Variants in KCNH5 observed in about 807,000 individuals in gnomAD.
KCNH5 encodes potassium voltage-gated channel subfamily H member 5, also known as voltage-gated delayed rectifier potassium channel KCNH5.
A neutral mutation model predicts 96.1 loss-of-function variants in KCNH5; 46 were observed. The observed-to-expected ratio is 0.48, with a 90% CI of 0.38 to 0.61. KCNH5 has a LOEUF of 0.61. Among genes scored for constraint, KCNH5 ranks in the 20% least tolerant of loss-of-function variants. KCNH5 has a pLI of 0.00. For synonymous variants in KCNH5, 439 were observed against 449.8 expected, an observed-to-expected ratio of 0.98 and a Z score of 0.30; for missense variants, 907 against 1,225.8, an observed-to-expected ratio of 0.74 and a Z score of 3.88.
intron 8 of KCNH5, among the ~76,000 whole-genome samples, chr14:62,835,983 G>A (rs537139363): frequency 2.6e-3 from 388 of 151,900 alleles, no homozygotes; most frequent in Non-Finnish European, 4.8e-3. Context: ...GAATTCTGCC[G>A]AATTTAGATT....
At chr14:62,997,468 A>G (rs779807445) in intron 4 of KCNH5, among the ~76,000 whole-genome samples, 6 of 152,164 alleles carry the variant, frequency 3.9e-5, no homozygotes, top group East Asian at 1.9e-4. Flanking sequence ...TGGCATAATC[A>G]TGACTTTTCT....
chr14:62,990,714 T>C (rs1057443512), intron 4 of KCNH5, among the ~76,000 whole-genome samples: 1 of 152,074 alleles, frequency 6.6e-6, no homozygotes, highest in African/African-American at 2.4e-5. Context: ...TCTATCCTTG[T>C]GTATTAGTCC....
At chr14:62,718,926 A>T (rs566066210) in intron 10 of KCNH5, among the ~76,000 whole-genome samples, 5 of 152,356 alleles carry the variant, frequency 3.3e-5, no homozygotes, top group Admixed American at 2.0e-4. Flanking sequence ...CCTGGAAAAC[A>T]TCATGCTAAG....
At chr14:63,036,549 C>G (rs751705220) in intron 1 of KCNH5, among the ~76,000 whole-genome samples, 5 of 151,242 alleles carry the variant, frequency 3.3e-5, no homozygotes, top group Non-Finnish European at 5.9e-5. Flanking sequence ...AAATTCTATT[C>G]TGCCTACACT....
rs111530636 is a variant in KCNH5 at position 62,891,558 on chromosome 14, T to TA, written c.1370-41707dup. ...CATATGGACCCCCAAACCTAAAAGT[T>TA]AAAAAAAAAAGACTTGAAACTAAAC... On this transcript the variant is annotated intron_variant, in intron 7 of 10. Coordinates refer to ENST00000322893, the MANE Select transcript of KCNH5 (RefSeq NM_139318.5). Among the ~76,000 whole-genome samples the TA allele has an allele frequency of 5.8e-4, 86 of 148,074 alleles. 2 individuals are homozygous for TA. Among genetic ancestry groups the TA allele is most frequent in the Middle Eastern group, 3.5e-3 (1 of 282 alleles).
chr14:62,956,179 T>C (rs1401129138), intron 6 of KCNH5, among the ~76,000 whole-genome samples: 3 of 152,208 alleles, frequency 2.0e-5, no homozygotes, highest in South Asian at 4.1e-4. Context: ...TGCCTCTGCA[T>C]AGCCCTAGTG....
intron 7 of KCNH5, among the ~76,000 whole-genome samples, chr14:62,859,751 C>T (rs902843466): frequency 2.0e-5 from 3 of 152,202 alleles, no homozygotes. Flanking sequence ...TGCTGTCCTT[C>T]AGGGAGGTCC....
At chr14:62,978,258 C>T (rs1054384419) in intron 6 of KCNH5, among the ~76,000 whole-genome samples, 2 of 152,110 alleles carry the variant, frequency 1.3e-5, no homozygotes, top group Non-Finnish European at 2.9e-5. Context: ...AATGCTGAGT[C>T]GAGAAGAGAT....
chr14:62,872,855 G>C (rs1888284509), intron 7 of KCNH5, among the ~76,000 whole-genome samples: 1 of 152,100 alleles, frequency 6.6e-6, no homozygotes, highest in African/African-American at 2.4e-5. Flanking sequence ...TGAGATGGCA[G>C]TGGAAATGAC....
intron 10 of KCNH5, among the ~76,000 whole-genome samples, chr14:62,715,232 G>A (rs1032305): frequency 0.027 from 4,153 of 152,252 alleles, 119 homozygotes; most frequent in African/African-American, 0.079. Context: ...AGAATCATTT[G>A]TTTAATGTCA....
At chr14:62,944,608 G>GA (rs1195970610) in intron 7 of KCNH5, among the ~76,000 whole-genome samples, 3 of 151,946 alleles carry the variant, frequency 2.0e-5, no homozygotes, top group Admixed American at 1.3e-4. Flanking sequence ...GTTCTTGTAG[G>GA]AAAAAAATGA....
chr14:63,032,722 G>A lies in KCNH5; in HGVS notation c.73+12392C>T, dbSNP rs188274606. Among the ~76,000 whole-genome samples the A allele has an allele frequency of 7.9e-5, 12 of 152,184 alleles. No individual in the cohort carries two copies. In the South Asian group the frequency reaches 8.3e-4, roughly 11 times the overall value. ...ACCAGACTGTCCAAGCTAATTACCC[G>A]GATCTTTTCTGAACTCTGCAAATGG... On this transcript the variant is annotated intron_variant, in intron 1 of 10. Coordinates refer to ENST00000322893, the MANE Select transcript of KCNH5 (RefSeq NM_139318.5).
At chr14:62,973,918 TACTGA>T (rs1175528328) in intron 6 of KCNH5, among the ~76,000 whole-genome samples, 1 of 152,160 alleles carries the variant, frequency 6.6e-6, no homozygotes, top group Non-Finnish European at 1.5e-5. Context: ...TGACAGAAGT[TACTGA>T]AGTCTAGAAG....
chr14:62,845,080 T>C (rs1413025734), intron 8 of KCNH5, among the ~76,000 whole-genome samples: 1 of 152,102 alleles, frequency 6.6e-6, no homozygotes, highest in African/African-American at 2.4e-5. Flanking sequence ...TTAAAGTATA[T>C]ATTCATAGTT....
intron 6 of KCNH5, among the ~76,000 whole-genome samples, chr14:62,979,184 G>A (rs1890559125): frequency 6.6e-6 from 1 of 151,882 alleles, no homozygotes; most frequent in African/African-American, 2.4e-5. Context: ...ATGTATTAAT[G>A]TAATAATCTG....
At chr14:62,731,121 T>C (rs989899953) in intron 10 of KCNH5, among the ~76,000 whole-genome samples, 3 of 151,742 alleles carry the variant, frequency 2.0e-5, no homozygotes, top group East Asian at 1.9e-4. Context: ...GCCAATATGG[T>C]GAAACCCCAT....
chr14:62,800,524 G>A (rs979650649), intron 9 of KCNH5, among the ~76,000 whole-genome samples: 9 of 152,046 alleles, frequency 5.9e-5, no homozygotes, highest in African/African-American at 1.9e-4. Flanking sequence ...TGAAGAAAAC[G>A]GGACAAAGCA....
At chr14:62,755,451 G>A (rs1885601444) in intron 10 of KCNH5, among the ~76,000 whole-genome samples, 1 of 152,136 alleles carries the variant, frequency 6.6e-6, no homozygotes, top group Non-Finnish European at 1.5e-5. Flanking sequence ...AAGTCTCCCA[G>A]CAAAAAACAG....
At chr14:62,921,294 C>A (rs1396961781) in intron 7 of KCNH5, among the ~76,000 whole-genome samples, 1 of 152,016 alleles carries the variant, frequency 6.6e-6, no homozygotes, top group East Asian at 1.9e-4. Context: ...GAGCTAAAAA[C>A]CTGTAACTTT....
Sources: gnomAD v4.1 joint callset for allele counts (sites outside exome capture counted in the v4.1 genomes callset) on GRCh38, gnomAD v4.1.1 for gene constraint, MANE v1.5 for transcripts, NCBI Gene and HGNC (gene_info 2026-07-23, HGNC 2026-07-21) for gene names.